Variants in ROBO2 observed in about 807,000 individuals in gnomAD.
ROBO2 encodes the protein roundabout guidance receptor 2, also known as roundabout homolog 2.
ROBO2 carries 53 observed loss-of-function variants against 160.8 expected under a neutral mutation model. That is an observed-to-expected ratio of 0.33 (90% CI 0.26 to 0.41). The LOEUF (loss-of-function observed/expected upper bound fraction) is 0.41. Among genes scored for constraint, ROBO2 ranks in the 10% least tolerant of loss-of-function variants. The probability of loss-of-function intolerance (pLI) is 1.00; values close to 1 mark genes in which losing one functional copy is unlikely to be tolerated. For synonymous variants in ROBO2, 664 were observed against 611.7 expected, an observed-to-expected ratio of 1.09 and a Z score of -1.26; for missense variants, 1,577 against 1,722.4, an observed-to-expected ratio of 0.92 and a Z score of 1.49.
chr3:77,220,834 A>T (rs568780372), intron 2 of ROBO2, among the ~76,000 whole-genome samples: 1 of 152,266 alleles, frequency 6.6e-6, no homozygotes, highest in South Asian at 2.1e-4. Context: ...TGAAAAAAAG[A>T]TGAATTATTG....
chr3:76,055,045 A>G (rs1214092603), intron 2 of ROBO2, among the ~76,000 whole-genome samples: 1 of 152,270 alleles, frequency 6.6e-6, no homozygotes, highest in African/African-American at 2.4e-5. Flanking sequence ...TCACAGTTCT[A>G]CATTGCTAGA....
intron 2 of ROBO2, among the ~76,000 whole-genome samples, chr3:76,946,515 A>G (rs1577716317): frequency 6.6e-6 from 1 of 151,918 alleles, no homozygotes; most frequent in African/African-American, 2.4e-5. Context: ...TCAGCTCACT[A>G]CAACCTCTGC....
chr3:77,304,648 C>A (rs1321314653), intron 2 of ROBO2, among the ~76,000 whole-genome samples: 1 of 152,068 alleles, frequency 6.6e-6, no homozygotes, highest in Non-Finnish European at 1.5e-5. Flanking sequence ...TGGCACATAC[C>A]GCATCTCACG....
intron 2 of ROBO2, among the ~76,000 whole-genome samples, chr3:77,457,988 T>C (rs1285670991): frequency 1.3e-5 from 2 of 152,160 alleles, no homozygotes; most frequent in Non-Finnish European, 2.9e-5. Context: ...CTCTATTTGA[T>C]TATGCAAAAC....
At chr3:77,070,939 A>G (rs2067343969) in intron 1 of ROBO2, among the ~76,000 whole-genome samples, 2 of 152,178 alleles carry the variant, frequency 1.3e-5, no homozygotes, top group African/African-American at 4.8e-5. Context: ...AGACTTGCCG[A>G]TGGATTCGAT....
intron 2 of ROBO2, among the ~76,000 whole-genome samples, chr3:77,215,854 C>T (rs577603721): frequency 1.3e-5 from 2 of 152,328 alleles, no homozygotes; most frequent in South Asian, 2.1e-4. Flanking sequence ...ACTCCAGACC[C>T]TGTTTGCCTA....
intron 5 of ROBO2, among the ~76,000 whole-genome samples, chr3:77,522,146 C>G (rs1371943618): frequency 6.6e-6 from 1 of 151,130 alleles, no homozygotes; most frequent in Non-Finnish European, 1.5e-5. Flanking sequence ...CTTTTTTAGT[C>G]TGTTTCATTA....
At chr3:76,587,495 C>T (rs969489968) in intron 2 of ROBO2, among the ~76,000 whole-genome samples, 45 of 152,198 alleles carry the variant, frequency 3.0e-4, no homozygotes, top group African/African-American at 7.5e-4. Flanking sequence ...GCCAGCAGGA[C>T]GGAGAAGAAT....
chr3:76,344,589 C>A (rs1018418582), intron 2 of ROBO2, among the ~76,000 whole-genome samples: 1 of 152,116 alleles, frequency 6.6e-6, no homozygotes, highest in Non-Finnish European at 1.5e-5. Context: ...TCAGAAAAGG[C>A]TCTATTACTT....
chr3:77,570,373 A>G (rs2093607248), intron 13 of ROBO2, among the ~76,000 whole-genome samples: 1 of 151,938 alleles, frequency 6.6e-6, no homozygotes, highest in Admixed American at 6.6e-5. Context: ...CCAAGAAGCT[A>G]TCATTACTAG....
intron 2 of ROBO2, among the ~76,000 whole-genome samples, chr3:76,693,846 A>G (rs1158298307): frequency 3.9e-5 from 6 of 152,196 alleles, no homozygotes; most frequent in Admixed American, 2.6e-4. Context: ...CAGGCCTTCA[A>G]TCGATTGGGT....
chr3:77,446,619 A>G (rs1045199316), intron 2 of ROBO2, among the ~76,000 whole-genome samples: 4 of 152,014 alleles, frequency 2.6e-5, no homozygotes, highest in African/African-American at 9.7e-5. Flanking sequence ...TTTTTCTTAT[A>G]GTGCTTAAAC....
intron 2 of ROBO2, among the ~76,000 whole-genome samples, chr3:76,425,518 GTGTGTGTC>G (rs1190221257): frequency 5.5e-5 from 8 of 146,430 alleles, no homozygotes; most frequent in Middle Eastern, 3.6e-3. Flanking sequence ...GTGTGTGTGT[GTGTGTGTC>G]TGTGTGTGTG....
intron 2 of ROBO2, among the ~76,000 whole-genome samples, chr3:77,242,713 T>C (rs1266021349): frequency 6.6e-6 from 1 of 151,914 alleles, no homozygotes; most frequent in Non-Finnish European, 1.5e-5. Context: ...CTTTAACATG[T>C]AGGGTAAAAT....
chr3:76,909,809 A>C (rs926138206), intron 2 of ROBO2, among the ~76,000 whole-genome samples: 2 of 152,208 alleles, frequency 1.3e-5, no homozygotes, highest in African/African-American at 4.8e-5. Context: ...AGAGACTAGC[A>C]GTCATGATTT....
Position 76,245,729 on chromosome 3 carries a change from A to T in ROBO2, c.109+308127A>T, listed in dbSNP as rs545873352. 4.6e-5 allele frequency among the ~76,000 whole-genome samples: 7 copies of T among 152,234 alleles called. No individual in the cohort carries two copies. In the East Asian group the frequency reaches 9.7e-4, roughly 21 times the overall value. On this transcript the variant is annotated intron_variant, in intron 2 of 26. Coordinates refer to the ROBO2 transcript ENST00000487694. ...CTTCTGCTCAATTTATCTATAATAA[A>T]TTTTCTGAATTATTCTCTCTAGCCA...
At chr3:77,004,653 G>A (rs1327758577) in intron 2 of ROBO2, among the ~76,000 whole-genome samples, 1 of 152,178 alleles carries the variant, frequency 6.6e-6, no homozygotes, top group Non-Finnish European at 1.5e-5. Context: ...GAGATGTGTA[G>A]CAGAGTCAGA....
intron 1 of ROBO2, among the ~76,000 whole-genome samples, chr3:77,041,891 T>C (rs1266246813): frequency 6.6e-6 from 1 of 152,216 alleles, no homozygotes; most frequent in Non-Finnish European, 1.5e-5. Flanking sequence ...GTCTAACTGT[T>C]TGAGCCATCA....
intron 2 of ROBO2, among the ~76,000 whole-genome samples, chr3:76,528,985 A>G (rs1273131194): frequency 6.6e-6 from 1 of 152,138 alleles, no homozygotes; most frequent in Non-Finnish European, 1.5e-5. Flanking sequence ...GTGAATTTAC[A>G]ACATGAAGTT....
Sources: gnomAD v4.1 joint callset for allele counts (sites outside exome capture counted in the v4.1 genomes callset) on GRCh38, gnomAD v4.1.1 for gene constraint, MANE v1.5 for transcripts, NCBI Gene and HGNC (gene_info 2026-07-23, HGNC 2026-07-21) for gene names.